SHISAL1: variants seen among roughly 807,000 people sequenced by gnomAD.
SHISAL1 encodes protein shisa-like-1.
Under a neutral mutation model 22.6 loss-of-function variants are expected in SHISAL1, and 9 were observed. The observed-to-expected ratio is 0.40, with a 90% CI of 0.24 to 0.70. The LOEUF is 0.70. SHISAL1 is among the 30% of genes least tolerant of loss of function. The pLI, the probability that SHISAL1 is intolerant of heterozygous loss-of-function variation, is 0.39. For missense variants in SHISAL1, 246 were observed against 270.6 expected (o/e 0.91, Z 0.64); for synonymous variants, 119 against 115.4 (o/e 1.03, Z -0.20).
chr22:44,321,273 T>A, the SHISAL1 span, among the ~76,000 whole-genome samples: 3 of 152,338 alleles, frequency 2.0e-5, no homozygotes, highest in African/African-American at 7.2e-5. Flanking sequence ...AGCCTCAGCT[T>A]CTGCTCAGCT....
chr22:44,267,828 A>C (rs1203622708), intron 4 of SHISAL1, among the ~76,000 whole-genome samples: 4 of 152,210 alleles, frequency 2.6e-5, no homozygotes. Context: ...CAACTCCGAC[A>C]GACTCATTCC....
At chr22:44,282,212 C>G (rs1003130539) in intron 4 of SHISAL1, among the ~76,000 whole-genome samples, 4 of 152,342 alleles carry the variant, frequency 2.6e-5, no homozygotes, top group East Asian at 1.9e-4. Context: ...CAGCAGTCGC[C>G]CAGCTTACTC....
chr22:44,285,515 G>A lies in SHISAL1; in HGVS notation c.512C>T (p.Pro171Leu), dbSNP rs756248625. 1.6e-5 allele frequency: 26 copies of A among 1,613,570 alleles called. No individual in the cohort carries two copies. The highest frequency in any genetic ancestry group is 1.1e-4 in the East Asian group (5 of 44,882). ...CACGGCCTGTGGGGCTTGTGGCAGC[G>A]GGCCTGGGGGAGGCTGCGGCTGTGG... ...RAPQPQPPPGPLPQAPQAVHT... is the reference protein window; with the variant it reads ...RAPQPQPPPGLLPQAPQAVHT... Residue 171 changes from proline to leucine, a missense_variant, in exon 4 of 5, where the codon CCG becomes CTG. By Grantham distance (98) the Pro-to-Leu change is moderately conservative. Around this residue, in one of 2 missense-constraint regions of SHISAL1, gnomAD observed 136 missense variants for 117.5 expected, o/e 1.16. Transcript: ENST00000381176.
At chr22:44,299,237 AG>A (rs1396104707) in intron 2 of SHISAL1, among the ~76,000 whole-genome samples, 1 of 152,222 alleles carries the variant, frequency 6.6e-6, no homozygotes, top group Non-Finnish European at 1.5e-5. Flanking sequence ...AGGCCCCAGC[AG>A]AGCAGGGACG....
chr22:44,305,478 G>A (rs2055463963), intron 1 of SHISAL1, among the ~76,000 whole-genome samples: 1 of 152,258 alleles, frequency 6.6e-6, no homozygotes, highest in Non-Finnish European at 1.5e-5. Context: ...CTGGGGGACA[G>A]TTCCAGAGAT....
intron 1 of SHISAL1, among the ~76,000 whole-genome samples, chr22:44,302,288 T>C (rs1326977336): frequency 4.4e-5 from 6 of 137,880 alleles, no homozygotes; most frequent in Admixed American, 8.1e-5. Context: ...TGCAGTGAGC[T>C]GAGATCACGC....
Position 44,249,487 on chromosome 22 carries a change from C to G in SHISAL1, c.*198G>C, listed in dbSNP as rs2055031066. On this transcript the variant is annotated 3_prime_UTR_variant, in exon 5 of 5. Transcript: ENST00000381176. ...GGCTCAGAATCCCCTCCCCTGCACC[C>G]CCAGCCCCTACCCCTGAGTTTGCTC... The G allele has an allele frequency of 1.9e-6, 1 of 522,880 alleles. No homozygotes were observed. 32.4% of individuals were successfully genotyped at this position (522,880 alleles called of 1,614,324 possible).
the SHISAL1 span, among the ~76,000 whole-genome samples, chr22:44,322,661 G>A: frequency 6.6e-6 from 1 of 152,180 alleles, no homozygotes; most frequent in Non-Finnish European, 1.5e-5. Context: ...TGAAGCTGAG[G>A]AGTCACAGCC....
chr22:44,260,823 C>T (rs1240114087), intron 4 of SHISAL1, among the ~76,000 whole-genome samples: 1 of 152,042 alleles, frequency 6.6e-6, no homozygotes, highest in Non-Finnish European at 1.5e-5. Flanking sequence ...TCACTCCTGA[C>T]TTTGGCCGAG....
At chr22:44,307,813 C>T (rs542822214) in intron 1 of SHISAL1, among the ~76,000 whole-genome samples, 4 of 152,234 alleles carry the variant, frequency 2.6e-5, no homozygotes, top group Non-Finnish European at 4.4e-5. Context: ...TTAAACCCCA[C>T]CAGGAACAGC....
At chr22:44,314,110 G>C (rs2055541923), upstream of SHISAL1, among the ~76,000 whole-genome samples, 1 of 150,894 alleles carries the variant, frequency 6.6e-6, no homozygotes, top group South Asian at 2.1e-4. Flanking sequence ...CTGAGGTACA[G>C]AGTTTCAGTA....
chr22:44,268,259 C>T lies in SHISAL1; in HGVS notation c.599+17169G>A, dbSNP rs181702134. Among the ~76,000 whole-genome samples, 44 of 152,308 alleles carry T rather than the reference C, an allele frequency of 2.9e-4. No homozygotes were observed. In the East Asian group the frequency reaches 7.9e-3, roughly 27 times the overall value. ...TGCTCTGAGATGCTGTCCTTTTCAT[C>T]GACAGCCTCTGTCCATAACTCCTCC... On this transcript the variant is annotated intron_variant, in intron 4 of 4. Coordinates refer to ENST00000381176, the MANE Select transcript of SHISAL1 (RefSeq NM_001099294.2).
intron 3 of SHISAL1, among the ~76,000 whole-genome samples, chr22:44,295,242 T>C (rs916177840): frequency 1.3e-5 from 2 of 152,058 alleles, no homozygotes; most frequent in Non-Finnish European, 2.9e-5. Flanking sequence ...AGATTTAGTA[T>C]ATTAAGATAT....
At chr22:44,329,497 C>G in the SHISAL1 span, among the ~76,000 whole-genome samples, 1 of 152,288 alleles carries the variant, frequency 6.6e-6, no homozygotes, top group African/African-American at 2.4e-5. Context: ...TCCCCTCACC[C>G]CTCTTCATCA....
At chr22:44,290,611 T>G (rs2055346723) in intron 3 of SHISAL1, among the ~76,000 whole-genome samples, 2 of 151,404 alleles carry the variant, frequency 1.3e-5, no homozygotes, top group South Asian at 4.2e-4. Context: ...GGTGGATGAC[T>G]CTGGCGACTA....
At chr22:44,266,607 G>A (rs2055166095) in intron 4 of SHISAL1, among the ~76,000 whole-genome samples, 1 of 151,190 alleles carries the variant, frequency 6.6e-6, no homozygotes, top group Non-Finnish European at 1.5e-5. Context: ...TGGTGTGTGT[G>A]TTGGGGGGCC....
At chr22:44,311,188 C>T (rs546813486) in intron 1 of SHISAL1, among the ~76,000 whole-genome samples, 7 of 152,262 alleles carry the variant, frequency 4.6e-5, no homozygotes, top group South Asian at 4.1e-4. Flanking sequence ...TGAGGTGGGC[C>T]GGCTCACACC....
intron 2 of SHISAL1, among the ~76,000 whole-genome samples, chr22:44,298,732 A>T (rs8140742): frequency 0.36 from 54,056 of 152,154 alleles, 11,220 homozygotes; most frequent in Non-Finnish European, 0.48. Context: ...GCTGGGCCTC[A>T]AGGGACTGGG....
intron 1 of SHISAL1, among the ~76,000 whole-genome samples, chr22:44,312,442 C>G (rs576921534): frequency 6.6e-6 from 1 of 152,304 alleles, no homozygotes; most frequent in South Asian, 2.1e-4. Flanking sequence ...CACAAGGACA[C>G]TGAGGCACAG....
Sources: allele counts gnomAD v4.1 joint callset (sites outside exome capture counted in the v4.1 genomes callset), GRCh38; gene constraint gnomAD v4.1.1; regional missense constraint gnomAD v4.1.1; transcripts MANE v1.5; gene names NCBI Gene and HGNC (gene_info 2026-07-23, HGNC 2026-07-21).